Variants in CTIF observed in about 807,000 individuals in gnomAD.
CTIF encodes the protein CBP80/20-dependent translation initiation factor.
CTIF carries 21 observed loss-of-function variants against 66.0 expected under a neutral mutation model. The observed-to-expected ratio is 0.32, with a 90% CI of 0.23 to 0.46. The LOEUF (loss-of-function observed/expected upper bound fraction) is 0.46. CTIF is among the 20% of genes least tolerant of loss of function. The pLI, the probability that CTIF is intolerant of heterozygous loss-of-function variation, is 1.00. For missense variants in CTIF, 739 were observed against 812.7 expected (o/e 0.91, Z 1.10); for synonymous variants, 345 against 326.4 (o/e 1.06, Z -0.62).
chr18:48,795,627 C>T (rs1448692690), intron 9 of CTIF, among the ~76,000 whole-genome samples: 1 of 152,210 alleles, frequency 6.6e-6, no homozygotes, highest in Non-Finnish European at 1.5e-5. Flanking sequence ...GTCCTATTTT[C>T]CCAGGAGCTC....
intron 1 of CTIF, among the ~76,000 whole-genome samples, chr18:48,600,454 T>C (rs1397318429): frequency 6.6e-6 from 1 of 152,130 alleles, no homozygotes; most frequent in Non-Finnish European, 1.5e-5. Context: ...TCCTATGCTG[T>C]CCTTGTCACT....
At chr18:48,802,814 C>T (rs1032913523) in intron 9 of CTIF, among the ~76,000 whole-genome samples, 3 of 152,232 alleles carry the variant, frequency 2.0e-5, no homozygotes, top group African/African-American at 7.2e-5. Context: ...TAACGTCCTC[C>T]CTGAGGCTGA....
At chr18:48,698,306 C>T (rs2092036341) in intron 6 of CTIF, among the ~76,000 whole-genome samples, 1 of 151,808 alleles carries the variant, frequency 6.6e-6, no homozygotes, top group South Asian at 2.1e-4. Context: ...CAGGAGATGC[C>T]CCGGCTGCAT....
At chr18:48,832,121 G>C (rs1009279690) in intron 10 of CTIF, among the ~76,000 whole-genome samples, 3 of 151,758 alleles carry the variant, frequency 2.0e-5, no homozygotes, top group African/African-American at 7.3e-5. Context: ...GTGTGCGTGT[G>C]GGGGCTGCCT....
chr18:48,740,063 T>C (rs927523569), intron 7 of CTIF, among the ~76,000 whole-genome samples: 4 of 152,220 alleles, frequency 2.6e-5, no homozygotes, highest in African/African-American at 7.2e-5. Flanking sequence ...TGTTCACATC[T>C]TACAGGTGAG....
At chr18:48,691,448 A>G (rs546487102) in intron 6 of CTIF, among the ~76,000 whole-genome samples, 1 of 152,292 alleles carries the variant, frequency 6.6e-6, no homozygotes, top group South Asian at 2.1e-4. Flanking sequence ...TTGTTAGAAT[A>G]CACTTGAGAT....
intron 10 of CTIF, among the ~76,000 whole-genome samples, chr18:48,834,449 G>A (rs761171377): frequency 5.9e-5 from 9 of 152,200 alleles, no homozygotes; most frequent in Admixed American, 1.3e-4. Flanking sequence ...AGATTTGGCC[G>A]GTGGACTATA....
intron 9 of CTIF, among the ~76,000 whole-genome samples, chr18:48,790,717 C>T (rs12455557): frequency 0.15 from 22,839 of 152,202 alleles, 1,842 homozygotes; most frequent in East Asian, 0.25. Flanking sequence ...TTCAGAGGAA[C>T]GCGGCCAAGT....
In CTIF at chr18:48,645,680, C is replaced by A. The variant is rs558623785; in HGVS notation, c.252+8995C>A. 2.6e-5 allele frequency among the ~76,000 whole-genome samples: 4 copies of A among 152,362 alleles called. No homozygotes were observed. In the South Asian group the frequency reaches 8.3e-4, roughly 32 times the overall value. ...CTGGGCAGTATCGAGGTGTCCCTCT[C>A]CTTCCTGCTGGGGTGGTGTCAGAAA... On this transcript the variant is annotated intron_variant, in intron 3 of 11. Coordinates refer to ENST00000256413, the MANE Select transcript of CTIF (RefSeq NM_014772.3).
In CTIF at chr18:48,539,348, A is replaced by G. The variant is rs1318910633; in HGVS notation, c.-29+36A>G. The G allele has an allele frequency of 2.0e-5, 3 of 151,486 alleles. No homozygotes were observed. The East Asian group carries it at 5.9e-4, about 30-fold the overall frequency. The allele number at this position is 151,486 out of a possible 1,614,324, so 9.4% of individuals were successfully genotyped here. A position where few individuals can be genotyped will look rare whatever the true frequency, so the allele number is the denominator to read the frequency against. ...CCTCGCCCGTCCTCCTCTTATAGTC[A>G]TCTCAGCTTGCTGATCGATTCGGGG... On this transcript the variant is annotated intron_variant, in intron 1 of 11. Transcript: ENST00000256413.
At chr18:48,615,238 T>C (rs555746883) in intron 1 of CTIF, among the ~76,000 whole-genome samples, 7 of 152,252 alleles carry the variant, frequency 4.6e-5, no homozygotes, top group African/African-American at 9.6e-5. Context: ...TAATAAAAAA[T>C]TGGGGGCCTA....
intron 6 of CTIF, among the ~76,000 whole-genome samples, chr18:48,691,611 A>C (rs919639555): frequency 2.6e-5 from 4 of 152,114 alleles, no homozygotes; most frequent in African/African-American, 9.7e-5. Flanking sequence ...ACAGGTGCTC[A>C]TGTCCCCAGT....
chr18:48,693,614 ACC>A (rs767510791), intron 6 of CTIF, among the ~76,000 whole-genome samples: 7 of 151,950 alleles, frequency 4.6e-5, no homozygotes, highest in Non-Finnish European at 1.0e-4. Flanking sequence ...AAGGCTGGGT[ACC>A]TATCCAAGGC....
At chr18:48,731,542 C>T (rs552512006) in intron 7 of CTIF, among the ~76,000 whole-genome samples, 11 of 152,290 alleles carry the variant, frequency 7.2e-5, no homozygotes, top group Non-Finnish European at 1.6e-4. Context: ...TTCCCAGTGG[C>T]CACCTAACTC....
At chr18:48,603,218 A>G (rs1377061227) in intron 1 of CTIF, among the ~76,000 whole-genome samples, 3 of 142,638 alleles carry the variant, frequency 2.1e-5, no homozygotes, top group Non-Finnish European at 3.0e-5. Flanking sequence ...AGATGGATGA[A>G]TGGGTGGGTG....
chr18:48,750,669 A>ATC, intron 7 of CTIF, among the ~76,000 whole-genome samples: 1 of 152,108 alleles, frequency 6.6e-6, no homozygotes, highest in East Asian at 1.9e-4. Context: ...GGCTGGCCGG[A>ATC]TCTCCAACCC....
At chr18:48,683,483 G>A (rs1417486367) in intron 6 of CTIF, among the ~76,000 whole-genome samples, 1 of 151,444 alleles carries the variant, frequency 6.6e-6, no homozygotes, top group Non-Finnish European at 1.5e-5. Context: ...AGGAGTGCTG[G>A]CCTTGCCCTC....
At chr18:48,591,186 T>C (rs2089880073) in intron 1 of CTIF, among the ~76,000 whole-genome samples, 2 of 152,188 alleles carry the variant, frequency 1.3e-5, no homozygotes, top group African/African-American at 2.4e-5. Flanking sequence ...ATAGCTCAGA[T>C]CTACTCAGGA....
chr18:48,588,918 G>GGC (rs967868470), intron 1 of CTIF, among the ~76,000 whole-genome samples: 1 of 152,004 alleles, frequency 6.6e-6, no homozygotes, highest in African/African-American at 2.4e-5. Context: ...AGTGGCTGAG[G>GGC]GCACCGGACT....
Sources: gnomAD v4.1 joint callset for allele counts (sites outside exome capture counted in the v4.1 genomes callset) on GRCh38, gnomAD v4.1.1 for gene constraint, MANE v1.5 for transcripts, NCBI Gene and HGNC (gene_info 2026-07-23, HGNC 2026-07-21) for gene names.